The following SOX5 variants were observed in gnomAD, a reference collection of about 807,000 sequenced individuals.
The protein encoded by SOX5 is SRY-box transcription factor 5.
In SOX5, 9 loss-of-function variants were observed where a neutral mutation model predicts 92.0. That is an observed-to-expected ratio of 0.10 (90% CI 0.06 to 0.17). The LOEUF (loss-of-function observed/expected upper bound fraction) is 0.17. SOX5 is among the 10% of genes least tolerant of loss of function. The pLI is 1.00. For synonymous variants in SOX5, 344 were observed against 336.3 expected, an observed-to-expected ratio of 1.02 and a Z score of -0.25; for missense variants, 642 against 944.5, an observed-to-expected ratio of 0.68 and a Z score of 4.20.
At chr12:24,080,295 T>C (rs987744006) in intron 4 of SOX5, among the ~76,000 whole-genome samples, 1 of 151,972 alleles carries the variant, frequency 6.6e-6, no homozygotes, top group Non-Finnish European at 1.5e-5. Context: ...ATATTTAGTA[T>C]AGATTAACCA....
At chr12:23,620,737 T>G (rs1269333991) in intron 8 of SOX5, among the ~76,000 whole-genome samples, 1 of 152,126 alleles carries the variant, frequency 6.6e-6, no homozygotes, top group African/African-American at 2.4e-5. Context: ...TTTCATTGAC[T>G]TTTTTGATCA....
chr12:23,863,837 C>T (rs1464668372), intron 2 of SOX5, among the ~76,000 whole-genome samples: 1 of 124,190 alleles, frequency 8.1e-6, no homozygotes. Flanking sequence ...CACACACACA[C>T]ACACTCTGAA....
At chr12:23,880,003 T>C (rs4963727) in intron 2 of SOX5, among the ~76,000 whole-genome samples, 103,122 of 151,952 alleles carry the variant, frequency 0.68, 35,118 homozygotes, top group East Asian at 0.88. Context: ...ACCAGGATCA[T>C]AGCTGTGACT....
intron 10 of SOX5, among the ~76,000 whole-genome samples, chr12:23,569,852 T>C (rs1468091704): frequency 1.3e-5 from 2 of 152,262 alleles, no homozygotes; most frequent in African/African-American, 4.8e-5. Context: ...ACCTTGTGAA[T>C]GTTTTTAGTG....
At chr12:24,201,598 A>G (rs1957526163) in intron 4 of SOX5, among the ~76,000 whole-genome samples, 1 of 152,234 alleles carries the variant, frequency 6.6e-6, no homozygotes, top group Non-Finnish European at 1.5e-5. Flanking sequence ...TTTAACATCA[A>G]TGTGTGTGAA....
chr12:23,914,816 C>T (rs945139661), intron 1 of SOX5, among the ~76,000 whole-genome samples: 4 of 152,080 alleles, frequency 2.6e-5, no homozygotes, highest in African/African-American at 4.8e-5. Flanking sequence ...CAAAACCTCA[C>T]ATTTCTGGTC....
At chr12:23,736,230 G>A (rs9971684) in intron 5 of SOX5, among the ~76,000 whole-genome samples, 3,708 of 152,152 alleles carry the variant, frequency 0.024, 158 homozygotes, top group African/African-American at 0.084. Context: ...GGGAGGCTGA[G>A]GTGGGTGGAT....
intron 4 of SOX5, among the ~76,000 whole-genome samples, chr12:24,074,630 C>CAAAAAAAAAAA (rs76320418): frequency 2.9e-4 from 15 of 51,268 alleles, no homozygotes; most frequent in South Asian, 1.0e-3. Flanking sequence ...TGTAAACTAC[C>CAAAAAAAAAAA]AAAAAAAAAA....
chr12:23,575,075 G>T (rs1468988035), intron 10 of SOX5, among the ~76,000 whole-genome samples: 1 of 152,170 alleles, frequency 6.6e-6, no homozygotes, highest in Non-Finnish European at 1.5e-5. Flanking sequence ...TATGTATGCT[G>T]AAATTAAAAT....
intron 4 of SOX5, among the ~76,000 whole-genome samples, chr12:24,162,322 T>C (rs1166061559): frequency 6.6e-6 from 1 of 152,146 alleles, no homozygotes; most frequent in African/African-American, 2.4e-5. Context: ...TAGTGCATAT[T>C]ATTTAAGTAC....
chr12:23,995,614 C>T (rs1950961249), intron 4 of SOX5, among the ~76,000 whole-genome samples: 2 of 152,120 alleles, frequency 1.3e-5, no homozygotes, highest in Admixed American at 1.3e-4. Flanking sequence ...GGGAGAATTG[C>T]TTGAGACCAT....
chr12:23,744,506 A>G (rs1400219277), intron 4 of SOX5, among the ~76,000 whole-genome samples: 1 of 152,152 alleles, frequency 6.6e-6, no homozygotes, highest in Non-Finnish European at 1.5e-5. Flanking sequence ...TAACTTCTTC[A>G]ATTTCCTTCT....
chr12:24,126,165 CT>C lies in SOX5; in HGVS notation c.-2+87177del, dbSNP rs1214116956. Among the ~76,000 whole-genome samples the C allele has an allele frequency of 1.2e-4, 19 of 152,328 alleles. No individual in the cohort carries two copies. The South Asian group carries it at 1.7e-3, about 13-fold the overall frequency. On this transcript the variant is annotated intron_variant, in intron 4 of 4. Coordinates refer to the SOX5 transcript ENST00000446891. ...AGGGCTATGTCTGTATGTAAGCCCT[CT>C]TTTAATTCCCTGTATAATCATATCC...
intron 2 of SOX5, among the ~76,000 whole-genome samples, chr12:23,872,984 A>G (rs2096890979): frequency 6.6e-6 from 1 of 152,210 alleles, no homozygotes; most frequent in Non-Finnish European, 1.5e-5. Context: ...CAAAATGACC[A>G]TTGTTCTCAA....
chr12:24,339,871 G>A (rs1952372290), intron 2 of SOX5, among the ~76,000 whole-genome samples: 1 of 152,190 alleles, frequency 6.6e-6, no homozygotes, highest in Non-Finnish European at 1.5e-5. Context: ...GCCACTTCTG[G>A]AAAGAGGAAA....
At chr12:23,656,664 T>C (rs1435788698) in intron 7 of SOX5, among the ~76,000 whole-genome samples, 1 of 152,006 alleles carries the variant, frequency 6.6e-6, no homozygotes, top group East Asian at 1.9e-4. Context: ...GTATATGATA[T>C]ACAGTACATA....
intron 2 of SOX5, among the ~76,000 whole-genome samples, chr12:24,365,175 T>A (rs1010812372): frequency 6.6e-6 from 1 of 152,074 alleles, no homozygotes; most frequent in Non-Finnish European, 1.5e-5. Context: ...CACTGTAACG[T>A]CTTTATTTAA....
At chr12:24,155,023 G>T (rs1256054304) in intron 4 of SOX5, among the ~76,000 whole-genome samples, 1 of 152,076 alleles carries the variant, frequency 6.6e-6, no homozygotes, top group Non-Finnish European at 1.5e-5. Context: ...TGGTCCTCTA[G>T]TATTGGCTGA....
chr12:23,651,078 G>A (rs1367416443), intron 7 of SOX5, among the ~76,000 whole-genome samples: 2 of 152,092 alleles, frequency 1.3e-5, no homozygotes, highest in African/African-American at 4.8e-5. Context: ...TATGATTTAA[G>A]AAATATTGTT....
Sources: gnomAD v4.1 joint callset for allele counts (sites outside exome capture counted in the v4.1 genomes callset) on GRCh38, gnomAD v4.1.1 for gene constraint, MANE v1.5 for transcripts, NCBI Gene and HGNC (gene_info 2026-07-23, HGNC 2026-07-21) for gene names.